Variants in CATSPERE observed in about 807,000 individuals in gnomAD.
CATSPERE encodes the protein catsper channel auxiliary subunit epsilon, also known as cation channel sperm-associated auxiliary subunit epsilon.
In CATSPERE, 93 loss-of-function variants were observed where a neutral mutation model predicts 114.1. The ratio of observed to expected loss-of-function variants is 0.81; its 90% CI spans 0.69 to 0.97. The LOEUF is 0.97. Among genes scored for constraint, CATSPERE ranks in the 50% least tolerant of loss-of-function variants. CATSPERE has a pLI of 0.00. For missense variants in CATSPERE, 1,058 were observed against 1,131.6 expected (o/e 0.93, Z 0.93); for synonymous variants, 341 against 384.1 (o/e 0.89, Z 1.31).
intron 2 of CATSPERE, among the ~76,000 whole-genome samples, chr1:244,471,424 G>A (rs551320841): frequency 6.6e-6 from 1 of 152,238 alleles, no homozygotes; most frequent in African/African-American, 2.4e-5. Context: ...CTCCTTTTAA[G>A]CATATAGTTT....
At chr1:244,586,793 T>C (rs1441723735) in intron 13 of CATSPERE, among the ~76,000 whole-genome samples, 1 of 152,118 alleles carries the variant, frequency 6.6e-6, no homozygotes, top group East Asian at 1.9e-4. Context: ...GTAGACCCTG[T>C]TGAGACAGCC....
chr1:244,510,362 T>G (rs1675502637), intron 7 of CATSPERE, among the ~76,000 whole-genome samples: 1 of 152,212 alleles, frequency 6.6e-6, no homozygotes, highest in Admixed American at 6.5e-5. Flanking sequence ...TTAATTTCCA[T>G]GCGTTCTTTT....
intron 8 of CATSPERE, among the ~76,000 whole-genome samples, chr1:244,540,014 A>T (rs1325526735): frequency 6.6e-6 from 1 of 151,584 alleles, no homozygotes; most frequent in Non-Finnish European, 1.5e-5. Flanking sequence ...TGCTCAAAAT[A>T]ATAAGAGCTA....
At chr1:244,494,109 C>A (rs373192974) in intron 6 of CATSPERE, among the ~76,000 whole-genome samples, 5 of 152,134 alleles carry the variant, frequency 3.3e-5, no homozygotes, top group Admixed American at 6.5e-5. Flanking sequence ...TGGGTATATA[C>A]CCAAAGGATT....
intron 11 of CATSPERE, among the ~76,000 whole-genome samples, chr1:244,578,823 C>CGTATAT (rs1665705195): frequency 7.5e-6 from 1 of 133,018 alleles, no homozygotes; most frequent in African/African-American, 2.8e-5. Flanking sequence ...GGTGCATATA[C>CGTATAT]ATATATATAT....
At chr1:244,562,981 G>A (rs959135998) in intron 10 of CATSPERE, among the ~76,000 whole-genome samples, 11 of 152,100 alleles carry the variant, frequency 7.2e-5, no homozygotes, top group African/African-American at 2.4e-4. Flanking sequence ...GAGAACATAC[G>A]GTATTTGGTT....
rs35687880 is a variant in CATSPERE, at chr1:244,626,485, C to CAAA, written c.2648+8820_2648+8822dup. Among the ~76,000 whole-genome samples the CAAA allele has an allele frequency of 1.2e-3, 81 of 66,820 alleles. 1 individual carries two copies. Among genetic ancestry groups the CAAA allele is most frequent in the African/African-American group, 2.4e-3 (44 of 18,320 alleles). The allele number at this position is 66,820 out of a possible 152,430, so 43.8% of individuals were successfully genotyped here. A position where few individuals can be genotyped will look rare whatever the true frequency, so the allele number is the denominator to read the frequency against. On this transcript the variant is annotated intron_variant, in intron 20 of 21. Coordinates refer to ENST00000366534, the MANE Select transcript of CATSPERE (RefSeq NM_001130957.2). ...GGGCAACAAGAGCAAAATTCCATCTCAAAAAAAAAAAAAAAAAAAAAAAGT... is the reference window on the plus strand; with the variant it reads ...GGGCAACAAGAGCAAAATTCCATCTCAAAAAAAAAAAAAAAAAAAAAAAAAAGT...
At chr1:244,478,905 GT>G (rs1470011300) in intron 4 of CATSPERE, among the ~76,000 whole-genome samples, 2 of 151,286 alleles carry the variant, frequency 1.3e-5, no homozygotes, top group African/African-American at 4.9e-5. Flanking sequence ...GCAGGCACCT[GT>G]AATCCCAGCT....
chr1:244,559,462 A>C (rs1231653440), intron 9 of CATSPERE, among the ~76,000 whole-genome samples: 3 of 152,236 alleles, frequency 2.0e-5, no homozygotes, highest in Non-Finnish European at 2.9e-5. Flanking sequence ...TCATGTACAT[A>C]GAAATTACAT....
intron 2 of CATSPERE, among the ~76,000 whole-genome samples, chr1:244,465,969 T>C (rs1428378678): frequency 6.6e-6 from 1 of 152,218 alleles, no homozygotes. Context: ...GAGAGATACA[T>C]TTCATTAAAT....
chr1:244,533,045 G>T (rs1166706765), intron 8 of CATSPERE, among the ~76,000 whole-genome samples: 1 of 151,890 alleles, frequency 6.6e-6, no homozygotes, highest in East Asian at 1.9e-4. Context: ...ATTGTCAGTT[G>T]CATATATATT....
At chr1:244,484,595 C>T (rs956190049) in intron 5 of CATSPERE, among the ~76,000 whole-genome samples, 2 of 152,186 alleles carry the variant, frequency 1.3e-5, no homozygotes, top group Non-Finnish European at 2.9e-5. Context: ...AGGAATTTTA[C>T]CTCCAAATAT....
In CATSPERE at chr1:244,515,934, C is replaced by T. The variant is rs1263426156; in HGVS notation, c.430-2658C>T. ...TAATACCAGGCATGGTGTCTCACAC[C>T]TATAATCCCAGCACTTTGGAAGGCT... On this transcript the variant is annotated intron_variant, in intron 7 of 21. Transcript: ENST00000366534. 2.6e-5 allele frequency among the ~76,000 whole-genome samples: 4 copies of T among 151,120 alleles called. 1 individual carries two copies. The highest frequency in any genetic ancestry group is 9.7e-5 in the African/African-American group (4 of 41,232).
At chr1:244,588,429 A>C in intron 13 of CATSPERE, 53 bp from the exon 14 acceptor site, 4 of 1,318,010 alleles carry the variant, frequency 3.0e-6, no homozygotes, top group Non-Finnish European at 4.4e-6. Context: ...GTAATATTTT[A>C]GATCATATGA....
At chr1:244,532,344 C>T (rs546910974) in intron 8 of CATSPERE, among the ~76,000 whole-genome samples, 1 of 152,034 alleles carries the variant, frequency 6.6e-6, no homozygotes, top group South Asian at 2.1e-4. Context: ...TTTTCTTCCA[C>T]TAATTTTGGG....
At chr1:244,452,945 A>T (rs915487791), upstream of CATSPERE, among the ~76,000 whole-genome samples, 3 of 152,226 alleles carry the variant, frequency 2.0e-5, no homozygotes, top group South Asian at 4.1e-4. Flanking sequence ...TGGGAATGGA[A>T]TCACATTATA....
rs561170262 is a variant in CATSPERE at position 244,479,767 on chromosome 1, G to A, written c.309G>A (p.Leu103=). Reference sequence around the variant, plus strand: ...TGGAAAGTTCTCATACTTGCTTTCTGTGGTACTATAGAGTTAGGTAAGTAA... The same window carrying A: ...TGGAAAGTTCTCATACTTGCTTTCTATGGTACTATAGAGTTAGGTAAGTAA... ...LFVESSHTCF[L]WYYRVRHFFN... The change falls in exon 5 of 22, where the codon CTG becomes CTA. Residue 103 remains leucine, a synonymous_variant. Coordinates refer to ENST00000366534, the MANE Select transcript of CATSPERE (RefSeq NM_001130957.2). The A allele has an allele frequency of 3.8e-6, 6 of 1,594,638 alleles. No homozygotes were observed. In the African/African-American group the frequency reaches 8.1e-5, roughly 21 times the overall value.
In CATSPERE at chr1:244,592,686, T is replaced by C. The variant is rs978741075; in HGVS notation, c.2190-709T>C. ...AGGTTGCAATGCTTAGTGAAAGCCA[T>C]TGGTGAAATACAAGGATGAGAAGAA... On this transcript the variant is annotated intron_variant, in intron 15 of 21. Coordinates refer to ENST00000366534, the MANE Select transcript of CATSPERE (RefSeq NM_001130957.2). 5.9e-5 allele frequency among the ~76,000 whole-genome samples: 9 copies of C among 152,302 alleles called. No homozygotes were observed. In the East Asian group the frequency reaches 7.7e-4, roughly 13 times the overall value.
chr1:244,566,769 C>T (rs963966116), intron 10 of CATSPERE, among the ~76,000 whole-genome samples: 2 of 145,318 alleles, frequency 1.4e-5, no homozygotes, highest in Admixed American at 1.4e-4. Flanking sequence ...GTCTTGCATA[C>T]AGCACACCAA....
Sources: gnomAD v4.1 joint callset for allele counts (sites outside exome capture counted in the v4.1 genomes callset) on GRCh38, gnomAD v4.1.1 for gene constraint, MANE v1.5 for transcripts, NCBI Gene and HGNC (gene_info 2026-07-23, HGNC 2026-07-21) for gene names.